Variants in ANK3 observed in about 807,000 individuals in gnomAD.
The protein encoded by ANK3 is ankyrin-3.
Under a neutral mutation model 370.9 loss-of-function variants are expected in ANK3, and 57 were observed. The observed-to-expected ratio is 0.15, with a 90% CI of 0.12 to 0.19. The LOEUF is 0.19. Among genes scored for constraint, ANK3 ranks in the 10% least tolerant of loss-of-function variants. The probability of loss-of-function intolerance (pLI) is 1.00; values close to 1 mark genes in which losing one functional copy is unlikely to be tolerated. For synonymous variants in ANK3, 1,929 were observed against 1,946.3 expected, an observed-to-expected ratio of 0.99 and a Z score of 0.23; for missense variants, 4,439 against 5,302.1, an observed-to-expected ratio of 0.84 and a Z score of 5.06.
At chr10:60,276,881 G>A (rs1173349436) in intron 4 of ANK3, among the ~76,000 whole-genome samples, 1 of 152,084 alleles carries the variant, frequency 6.6e-6, no homozygotes, top group Non-Finnish European at 1.5e-5. Context: ...ATATTATTGG[G>A]GTATTTTGAA....
intron 1 of ANK3, among the ~76,000 whole-genome samples, chr10:60,654,309 C>T (rs2133365568): frequency 6.6e-6 from 1 of 152,048 alleles, no homozygotes; most frequent in East Asian, 1.9e-4. Flanking sequence ...ATTTTTCTTG[C>T]TTTACTACAT....
intron 8 of ANK3, among the ~76,000 whole-genome samples, chr10:60,218,097 C>CTTTTTTTTTTTTTTTTTTTTTTTT (rs199989242): frequency 7.9e-6 from 1 of 126,156 alleles, no homozygotes; most frequent in Non-Finnish European, 1.6e-5. Context: ...CTTTTTCTTT[C>CTTTTTTTTTTTTTTTTTTTTTTTT]TTTTTTTTTT....
At position 60,072,874 on chromosome 10, in the gene ANK3, C is replaced by A. The variant is rs756934135; in HGVS notation, c.8007G>T (p.Leu2669=). The change falls in exon 37 of 44, where the codon CTG becomes CTT. Residue 2669 remains leucine, a synonymous_variant. Coordinates refer to ENST00000280772, the MANE Select transcript of ANK3 (RefSeq NM_020987.5). ...GAACCATCTTCTCTGGGCTGCTGGG[C>A]AGACTGGGTGCCTTCTCCTCGGCCT... ...FPKAEEKAPS[L]PSSPEKMVLS... is the part of the protein sequence containing the mutation. 4 of 1,614,092 alleles carry A rather than the reference C, an allele frequency of 2.5e-6. No individual in the cohort carries two copies. The highest frequency in any genetic ancestry group is 3.4e-6 in the Non-Finnish European group (4 of 1,180,006).
rs1352149328 is a variant in ANK3 at position 60,157,883 on chromosome 10, A to AG, written c.2614+8707_2614+8708insC. ...AATGGAGAGACAGAGAGAGAGAGAG[A>AG]AAAAGAGAGAGAGAGAGAGAGAGAG... On this transcript the variant is annotated intron_variant, in intron 23 of 43. Transcript: ENST00000280772. Among the ~76,000 whole-genome samples the AG allele has an allele frequency of 9.7e-4, 97 of 99,626 alleles. 1 individual carries two copies. Among genetic ancestry groups the AG allele is most frequent in the Middle Eastern group, 9.4e-3 (2 of 212 alleles). 65.4% of individuals were successfully genotyped at this position (99,626 alleles called of 152,430 possible). A position where few individuals can be genotyped will look rare whatever the true frequency, so the allele number is the denominator to read the frequency against.
At chr10:60,611,227 C>T (rs2078197125) in intron 2 of ANK3, among the ~76,000 whole-genome samples, 1 of 152,110 alleles carries the variant, frequency 6.6e-6, no homozygotes, top group African/African-American at 2.4e-5. Context: ...GACCGATACT[C>T]CAAAATGAAA....
At chr10:60,104,357 C>CAAAAAAAAAAAAAAAAAAAAAAA (rs747064489) in intron 28 of ANK3, among the ~76,000 whole-genome samples, 1 of 53,726 alleles carries the variant, frequency 1.9e-5, no homozygotes, top group East Asian at 6.0e-4. Context: ...GACTCCATCT[C>CAAAAAAAAAAAAAAAAAAAAAAA]AAAAAAAAAA....
intron 2 of ANK3, among the ~76,000 whole-genome samples, chr10:60,435,692 A>C (rs779652264): frequency 5.9e-5 from 9 of 152,250 alleles, no homozygotes; most frequent in Non-Finnish European, 1.3e-4. Context: ...AGTCCTGGTC[A>C]ACCACTAATC....
At chr10:60,196,076 A>G (rs1053682962) in intron 16 of ANK3, 69 bp downstream of exon 16, 1 of 1,376,112 alleles carries the variant, frequency 7.3e-7, no homozygotes, top group Non-Finnish European at 1.0e-6. Context: ...CTGAAGCAGA[A>G]GTAGATGTGC....
At chr10:60,176,196 CA>C (rs553748635) in intron 18 of ANK3, among the ~76,000 whole-genome samples, 10 of 136,430 alleles carry the variant, frequency 7.3e-5, no homozygotes, top group Admixed American at 6.5e-4. Context: ...AAAAAAAAAA[CA>C]AAAAAAAACA....
intron 16 of ANK3, among the ~76,000 whole-genome samples, chr10:60,190,702 A>T (rs1591506480): frequency 1.3e-5 from 2 of 152,166 alleles, no homozygotes; most frequent in Non-Finnish European, 2.9e-5. Context: ...TTAAAATATC[A>T]ACCTCATTTT....
intron 40 of ANK3, chr10:60,060,150 A>C: frequency 1.7e-6 from 1 of 573,120 alleles, no homozygotes; most frequent in Middle Eastern, 4.8e-4. Context: ...GGTTTAGTTC[A>C]ATTAAATGTA....
chr10:60,645,064 ATTT>A (rs752913672), intron 1 of ANK3, among the ~76,000 whole-genome samples: 5 of 152,032 alleles, frequency 3.3e-5, no homozygotes, highest in African/African-American at 4.8e-5. Context: ...TGCTTTTTCC[ATTT>A]AATTTTAGAT....
chr10:60,362,015 AGC>A (rs1210569580), intron 1 of ANK3, among the ~76,000 whole-genome samples: 2 of 152,236 alleles, frequency 1.3e-5, no homozygotes, highest in Non-Finnish European at 2.9e-5. Context: ...TTTGGTGAAC[AGC>A]CACCCCTATA....
Position 60,076,291 on chromosome 10 carries a change from A to G in ANK3, c.4590T>C (p.Asn1530=), listed in dbSNP as rs772154574. 23 of 1,614,114 alleles carry G rather than the reference A, an allele frequency of 1.4e-5. No homozygotes were observed. The East Asian group carries it at 4.9e-4, about 34-fold the overall frequency. The change falls in exon 37 of 44, where the codon AAT becomes AAC. Residue 1530 remains asparagine (N), a synonymous_variant. Transcript: ENST00000280772. ...GFTSLSSSSS[N]TPSASPLKSI... is the part of the protein sequence containing the mutation. ...ATTTTAACGGAGAAGCTGATGGCGT[A>G]TTAGAGGAAGAACTTGATAAGGAAG...
At chr10:60,098,415 A>C (rs1174556191) in intron 28 of ANK3, among the ~76,000 whole-genome samples, 4 of 152,190 alleles carry the variant, frequency 2.6e-5, no homozygotes, top group African/African-American at 9.6e-5. Context: ...AAATGAAGAA[A>C]ATAAAAAATA....
chr10:60,095,662 G>A (rs769120684), intron 28 of ANK3, among the ~76,000 whole-genome samples: 3 of 152,088 alleles, frequency 2.0e-5, no homozygotes, highest in South Asian at 4.1e-4. Context: ...GATTACAGGC[G>A]TGAGCCGCTG....
chr10:60,364,296 A>G (rs1156945833), intron 1 of ANK3, among the ~76,000 whole-genome samples: 8 of 149,750 alleles, frequency 5.3e-5, no homozygotes, highest in South Asian at 2.1e-4. Context: ...TCGGTCTCAA[A>G]AAAAAAAAAA....
rs1401729393 is a variant in ANK3, at chr10:60,114,288, T to G, written c.2885A>C (p.His962Pro). 8 of 1,608,798 alleles carry G rather than the reference T, an allele frequency of 5.0e-6. No homozygotes were observed. Among genetic ancestry groups the G allele is most frequent in the Non-Finnish European group, 6.8e-6 (8 of 1,177,808 alleles). Residue 962 changes from histidine to proline, a missense_variant, in exon 26 of 44, where the codon CAT (histidine) becomes CCT (proline). By Grantham distance (77) the His-to-Pro change is moderately conservative (BLOSUM62 -2). Around this residue, in one of 13 missense-constraint regions of ANK3, gnomAD observed 702 missense variants for 941.5 expected, o/e 0.75. Coordinates refer to ENST00000280772, the MANE Select transcript of ANK3 (RefSeq NM_020987.5). ...TREFDSDSLR[H>P]YSWAADTLDN... The stretch of plus-strand genomic sequence containing the variant: ...TAAGGTGTCTGCAGCCCAGCTGTAA[T>G]GTCTAAGAGAATCTGAATCAAATTC...
intron 43 of ANK3, among the ~76,000 whole-genome samples, chr10:60,034,104 T>C (rs1435413206): frequency 7.0e-6 from 1 of 142,352 alleles, no homozygotes; most frequent in African/African-American, 2.7e-5. Context: ...TTTTGTTTTT[T>C]GGTTTTTTTT....
Sources: gnomAD v4.1 joint callset for allele counts (sites outside exome capture counted in the v4.1 genomes callset) on GRCh38, gnomAD v4.1.1 for gene constraint, gnomAD v4.1.1 regional missense constraint, MANE v1.5 for transcripts, NCBI Gene and HGNC (gene_info 2026-07-23, HGNC 2026-07-21) for gene names.